The following TRABD2B variants were observed in gnomAD, a reference collection of about 807,000 sequenced individuals.
TRABD2B encodes metalloprotease TIKI2.
TRABD2B carries 14 observed loss-of-function variants against 40.1 expected under a neutral mutation model. That is an observed-to-expected ratio of 0.35 (90% CI 0.23 to 0.55). The LOEUF (loss-of-function observed/expected upper bound fraction) is 0.55, where lower values mean the gene tolerates loss of function less well. Ranked by LOEUF, TRABD2B falls within the 20% of genes least tolerant of loss-of-function variation. The pLI, the probability that TRABD2B is intolerant of heterozygous loss-of-function variation, is 0.90. For missense variants in TRABD2B, 541 were observed against 648.6 expected (o/e 0.83, Z 1.80); for synonymous variants, 263 against 277.0 (o/e 0.95, Z 0.50).
chr1:47,783,978 C>T (rs916241338), intron 4 of TRABD2B, among the ~76,000 whole-genome samples: 1 of 152,244 alleles, frequency 6.6e-6, no homozygotes, highest in East Asian at 1.9e-4. Flanking sequence ...CCCATGGTCT[C>T]GGTCTCATGG....
chr1:47,833,320 G>C (rs1461783520), intron 2 of TRABD2B, among the ~76,000 whole-genome samples: 2 of 152,200 alleles, frequency 1.3e-5, no homozygotes, highest in African/African-American at 2.4e-5. Flanking sequence ...AGAAGATGTG[G>C]AGTTAAGATA....
At chr1:47,768,046 C>T (rs1040020196) in intron 6 of TRABD2B, among the ~76,000 whole-genome samples, 1 of 152,146 alleles carries the variant, frequency 6.6e-6, no homozygotes, top group Admixed American at 6.5e-5. Context: ...GAGCAGGTGT[C>T]CAAACGGCCT....
chr1:47,954,844 T>C (rs4926696), intron 2 of TRABD2B, among the ~76,000 whole-genome samples: 146,529 of 152,166 alleles, frequency 0.96, 70,812 homozygotes, highest in Non-Finnish European at 1. Flanking sequence ...TGCTCTTAGC[T>C]CCAGGTATGG....
rs184852780 is a variant in TRABD2B at position 47,827,866 on chromosome 1, A to C, written c.667-26247T>G. 9.2e-5 allele frequency among the ~76,000 whole-genome samples: 14 copies of C among 152,246 alleles called. 1 individual carries two copies. Among genetic ancestry groups the C allele is most frequent in the African/African-American group, 2.4e-4 (10 of 41,546 alleles). On this transcript the variant is annotated intron_variant, in intron 2 of 6. Transcript: ENST00000606738. ...CAATGAGGTACCCCCCTTTTTAAAC[A>C]GAAGGGATTTAAATAAGGTTTGAGT...
intron 2 of TRABD2B, among the ~76,000 whole-genome samples, chr1:47,922,589 G>A (rs1644917017): frequency 6.6e-6 from 1 of 152,130 alleles, no homozygotes; most frequent in South Asian, 2.1e-4. Context: ...CATCTCCCTG[G>A]GTCTCTCTGA....
chr1:47,888,458 T>C (rs1039229550), intron 2 of TRABD2B, among the ~76,000 whole-genome samples: 1 of 152,172 alleles, frequency 6.6e-6, no homozygotes, highest in Non-Finnish European at 1.5e-5. Context: ...GGCTGGGCAC[T>C]GGCTGCAGAG....
At position 47,916,665 on chromosome 1, in the gene TRABD2B, G is replaced by A. The variant is rs114761184; in HGVS notation, c.666+77369C>T. ...GCTGAATGACAAGAAAATCCACACA[G>A]GTGGAGAAGGGCCCATTAGGGAAGC... On this transcript the variant is annotated intron_variant, in intron 2 of 6. Transcript: ENST00000606738. Among the ~76,000 whole-genome samples the A allele has an allele frequency of 7.4e-3, 1,130 of 152,366 alleles. 21 individuals carry two copies. Among genetic ancestry groups the A allele is most frequent in the African/African-American group, 0.026 (1,095 of 41,586 alleles).
chr1:47,894,523 C>T (rs992563224), intron 2 of TRABD2B, among the ~76,000 whole-genome samples: 7 of 152,202 alleles, frequency 4.6e-5, no homozygotes, highest in East Asian at 1.9e-4. Context: ...CCAAGTGCCA[C>T]GAAGAACAGC....
intron 3 of TRABD2B, chr1:47,795,562 G>T: frequency 1.3e-6 from 1 of 750,768 alleles, no homozygotes; most frequent in Non-Finnish European, 1.6e-6. Flanking sequence ...GTGGCACCGG[G>T]CAAGTTACTT....
intron 2 of TRABD2B, among the ~76,000 whole-genome samples, chr1:47,991,307 G>A (rs989467529): frequency 9.2e-5 from 14 of 152,168 alleles, no homozygotes; most frequent in East Asian, 1.9e-4. Flanking sequence ...TGCCTGGCAC[G>A]TGGAATTGAT....
chr1:47,946,323 T>A (rs1645259518), intron 2 of TRABD2B, among the ~76,000 whole-genome samples: 1 of 152,206 alleles, frequency 6.6e-6, no homozygotes, highest in African/African-American at 2.4e-5. Context: ...TTGTCTCTGA[T>A]CTTAGGGGAA....
chr1:47,856,067 C>T (rs1202925007), intron 2 of TRABD2B, among the ~76,000 whole-genome samples: 2 of 152,212 alleles, frequency 1.3e-5, no homozygotes, highest in Non-Finnish European at 2.9e-5. Flanking sequence ...ACCATTTTCC[C>T]TGGAAGGATG....
rs1170990905 is a variant in TRABD2B, at chr1:47,764,279, C to T, written c.*1623G>A. 1 of 152,202 alleles carries T rather than the reference C, an allele frequency of 6.6e-6. No individual in the cohort carries two copies. The highest frequency in any genetic ancestry group is 2.4e-5 in the African/African-American group (1 of 41,446). The allele number at this position is 152,202 out of a possible 1,614,324, so 9.4% of individuals were successfully genotyped here. A position where few individuals can be genotyped will look rare whatever the true frequency, so the allele number is the denominator to read the frequency against. Reference sequence around the variant, plus strand: ...TGGAGAAGTGTCTCCTCTCTGTGGGCCTTATTATTCCTCCTACTGTTACTA... The same window carrying T: ...TGGAGAAGTGTCTCCTCTCTGTGGGTCTTATTATTCCTCCTACTGTTACTA... On this transcript the variant is annotated 3_prime_UTR_variant, in exon 7 of 7. Coordinates refer to ENST00000606738, the MANE Select transcript of TRABD2B (RefSeq NM_001194986.2).
chr1:47,968,748 A>T lies in TRABD2B; in HGVS notation c.666+25286T>A, dbSNP rs1483947951. Among the ~76,000 whole-genome samples, 3 of 152,082 alleles carry T rather than the reference A, an allele frequency of 2.0e-5. No individual in the cohort carries two copies. The East Asian group carries it at 5.8e-4, about 29-fold the overall frequency. On this transcript the variant is annotated intron_variant, in intron 2 of 6. Transcript: ENST00000606738. ...TTCACCCTGTTCTTCTCCTATTTCC[A>T]CAGCACACATTACCTTCCAATCTAC...
chr1:47,896,056 C>G (rs1644516183), intron 2 of TRABD2B, among the ~76,000 whole-genome samples: 1 of 152,258 alleles, frequency 6.6e-6, no homozygotes, highest in African/African-American at 2.4e-5. Flanking sequence ...TCTCCAGCCC[C>G]TAAACCACAG....
chr1:47,959,574 T>C lies in TRABD2B; in HGVS notation c.666+34460A>G, dbSNP rs116107116. Among the ~76,000 whole-genome samples, 825 of 152,166 alleles carry C rather than the reference T, an allele frequency of 5.4e-3. 5 individuals carry two copies. The highest frequency in any genetic ancestry group is 0.019 in the African/African-American group (782 of 41,542). The stretch of plus-strand genomic sequence containing the variant: ...TACAAACTACCATCAGAGAATACTT[T>C]TATAAATACCTCTATGCAAATAAAC... On this transcript the variant is annotated intron_variant, in intron 2 of 6. Transcript: ENST00000606738.
At chr1:47,787,504 G>C (rs777391175) in intron 4 of TRABD2B, among the ~76,000 whole-genome samples, 3 of 151,846 alleles carry the variant, frequency 2.0e-5, no homozygotes, top group Non-Finnish European at 2.9e-5. Flanking sequence ...TCATCTTGCC[G>C]CCTCCCCTCC....
Position 47,943,175 on chromosome 1 carries a change from C to T in TRABD2B, c.666+50859G>A, listed in dbSNP as rs144594246. ...GGGTTCTGAAGATTCAACGAGGACA[C>T]GCACACGCAATCCCCACTCAAGGAC... On this transcript the variant is annotated intron_variant, in intron 2 of 6. Coordinates refer to ENST00000606738, the MANE Select transcript of TRABD2B (RefSeq NM_001194986.2). Among the ~76,000 whole-genome samples the T allele has an allele frequency of 4.6e-5, 7 of 152,312 alleles. No homozygotes were observed. The East Asian group carries it at 9.7e-4, about 21-fold the overall frequency.
rs1029647172 is a variant in TRABD2B at position 47,775,328 on chromosome 1, T to G, written c.1191A>C (p.Pro397=). The change falls in exon 6 of 7, where the codon CCA becomes CCC. Residue 397 remains proline (P), a synonymous_variant. Transcript: ENST00000606738. ...ACAGGGCTGGATCCTCATCCTCTGGTGGGGCGGTGGGGGTCACAGAGGGTG... is the reference window on the plus strand; with the variant it reads ...ACAGGGCTGGATCCTCATCCTCTGGGGGGGCGGTGGGGGTCACAGAGGGTG... The part of the protein sequence containing the change: ...PEAPSVTPTA[P]PEDEDPALSP... 1.2e-5 allele frequency: 15 copies of G among 1,241,414 alleles called. No homozygotes were observed. The highest frequency in any genetic ancestry group is 1.6e-5 in the African/African-American group (1 of 64,422). The allele number at this position is 1,241,414 out of a possible 1,614,324, so 76.9% of individuals were successfully genotyped here.
Sources: gnomAD v4.1 joint callset for allele counts (sites outside exome capture counted in the v4.1 genomes callset) on GRCh38, gnomAD v4.1.1 for gene constraint, MANE v1.5 for transcripts, NCBI Gene and HGNC (gene_info 2026-07-23, HGNC 2026-07-21) for gene names.